Variants in ANPEP observed in about 807,000 individuals in gnomAD.
The protein encoded by ANPEP is aminopeptidase N.
Under a neutral mutation model 114.6 loss-of-function variants are expected in ANPEP, and 70 were observed. The observed-to-expected ratio is 0.61, with a 90% CI of 0.50 to 0.75. ANPEP has a LOEUF of 0.75. Among genes scored for constraint, ANPEP ranks in the 30% least tolerant of loss-of-function variants. The probability of loss-of-function intolerance (pLI) is 0.00; values close to 1 mark genes in which losing one functional copy is unlikely to be tolerated. For synonymous variants in ANPEP, 548 were observed against 522.3 expected, an observed-to-expected ratio of 1.05 and a Z score of -0.67; for missense variants, 1,184 against 1,259.5, an observed-to-expected ratio of 0.94 and a Z score of 0.91.
Position 89,806,350 on chromosome 15 carries a change from G to T in ANPEP, c.234C>A (p.Asn78Lys), listed in dbSNP as rs1343895884. 6.2e-7 allele frequency: 1 copy of T among 1,614,216 alleles called. No individual in the cohort carries two copies. The highest frequency in any genetic ancestry group is 8.5e-7 in the Non-Finnish European group (1 of 1,180,042). Residue 78 changes from asparagine to lysine, a missense_variant, in exon 2 of 21, where the codon AAC becomes AAA. Physicochemically the swap from Asn to Lys is moderately conservative, Grantham distance 94 (BLOSUM62 0). Transcript: ENST00000300060. The surrounding 1 kb of genome is among the most constrained non-coding windows in gnomAD (Gnocchi z 5.7). ...SKAWNRYRLP[N>K]TLKPDSYRVT... The stretch of plus-strand genomic sequence containing the variant: ...CCCGGTAGGAATCGGGTTTCAGCGT[G>T]TTGGGGAGGCGGTAACGATTCCACG...
In ANPEP at chr15:89,805,376, GT is replaced by G; in HGVS notation, c.701del (p.Asn234ThrfsTer10). ...FDEPAMKAEF[N>X]ITLIHPKDLT... ...GGTCCTTGGGGTGGATAAGCGTGAT[GT>G]TGAACTCGGCCTTCATGGCCGGCTC... On this transcript the variant is annotated frameshift_variant, in exon 3 of 21. Transcript: ENST00000300060. LOFTEE classifies it high-confidence loss of function. The G allele has an allele frequency of 1.2e-6, 2 of 1,614,178 alleles. No homozygotes were observed. The highest frequency in any genetic ancestry group is 1.7e-6 in the Non-Finnish European group (2 of 1,180,018).
intron 1 of ANPEP, among the ~76,000 whole-genome samples, chr15:89,811,231 C>T (rs1894810298): frequency 6.6e-6 from 1 of 152,226 alleles, no homozygotes; most frequent in Non-Finnish European, 1.5e-5. Flanking sequence ...CGTGATCCAC[C>T]TTTGTGATTA....
chr15:89,787,894 C>T (rs1346280503), intron 20 of ANPEP, among the ~76,000 whole-genome samples: 2 of 152,192 alleles, frequency 1.3e-5, no homozygotes, highest in African/African-American at 4.8e-5. Flanking sequence ...TCATGTCATT[C>T]ATTACTCATT....
At chr15:89,789,842 A>G (rs1968583331) in intron 20 of ANPEP, among the ~76,000 whole-genome samples, 1 of 151,106 alleles carries the variant, frequency 6.6e-6, no homozygotes, top group African/African-American at 2.4e-5. Context: ...AGGCCGAGGC[A>G]GGCAGATCAT....
intron 18 of ANPEP, 46 bp downstream of exon 18, chr15:89,792,114 A>C (rs1436513751): frequency 6.3e-7 from 1 of 1,582,888 alleles, no homozygotes; most frequent in Non-Finnish European, 8.6e-7. Context: ...CTGGTTCTCC[A>C]GGTGGGGAGA....
At chr15:89,800,038 A>T (rs1164525583) in intron 12 of ANPEP, among the ~76,000 whole-genome samples, 1 of 151,786 alleles carries the variant, frequency 6.6e-6, no homozygotes, top group Non-Finnish European at 1.5e-5. Context: ...ACTTTGTTTC[A>T]GCAGCCAGAG....
chr15:89,806,462 G>A lies in ANPEP; in HGVS notation c.122C>T (p.Ala41Val), dbSNP rs199937838. 21 of 1,614,036 alleles carry A rather than the reference G, an allele frequency of 1.3e-5. No homozygotes were observed. The South Asian group carries it at 2.2e-4, about 17-fold the overall frequency. The change falls in exon 2 of 21, where the codon GCC becomes GTC. Residue 41 changes from alanine to valine, a missense_variant. Coordinates refer to ENST00000300060, the MANE Select transcript of ANPEP (RefSeq NM_001150.3). This position sits in a 1 kb window ranked among gnomAD's most constrained non-coding sequence, Gnocchi z 5.7. The stretch of plus-strand genomic sequence containing the variant: ...GGTGGAGGCCACGGGGGAGCTGTTG[G>A]CGTTCTTGTTCTTCTCCTGGGAGTA... ...VVYSQEKNKN[A>V]NSSPVASTTP... is the part of the protein sequence containing the mutation.
Position 89,803,966 on chromosome 15 carries a change from C to T in ANPEP, c.1216G>A (p.Asp406Asn). Residue 406 changes from aspartate (D) to asparagine (N), a missense_variant, in exon 7 of 21, where the codon GAC becomes AAC. Physicochemically the swap from Asp to Asn is conservative, Grantham distance 23 (BLOSUM62 1). Coordinates refer to ENST00000300060, the MANE Select transcript of ANPEP (RefSeq NM_001150.3). This position sits in a 1 kb window ranked among gnomAD's most constrained non-coding sequence, Gnocchi z 4.2. ...GNLVTIEWWN[D>N]LWLNEGFASY... is the part of the protein sequence containing the mutation. ...GCGAAGCCCTCGTTCAGCCACAGGT[C>T]ATTCCACCACTCTATGGTCACCAGG... 1.2e-6 allele frequency: 2 copies of T among 1,614,154 alleles called. No homozygotes were observed. The highest frequency in any genetic ancestry group is 1.7e-6 in the Non-Finnish European group (2 of 1,180,010).
chr15:89,805,017 C>T (rs1013402247), intron 4 of ANPEP, 61 bp downstream of exon 4: 13 of 1,607,142 alleles, frequency 8.1e-6, no homozygotes, highest in East Asian at 4.5e-5. Flanking sequence ...ATGAAGAGAA[C>T]GGGAAGACCC....
intron 15 of ANPEP, chr15:89,797,372 T>A (rs1968748397): frequency 3.0e-6 from 2 of 671,670 alleles, no homozygotes. Context: ...CTCACCTCCA[T>A]GTCCCTCCGG....
intron 14 of ANPEP, among the ~76,000 whole-genome samples, chr15:89,798,655 G>T (rs955823966): frequency 6.6e-6 from 1 of 151,314 alleles, no homozygotes; most frequent in African/African-American, 2.4e-5. Context: ...AAAGCGGGGG[G>T]GCATGGCCAG....
intron 20 of ANPEP, among the ~76,000 whole-genome samples, chr15:89,789,931 C>T (rs1298531282): frequency 6.6e-6 from 1 of 150,696 alleles, no homozygotes; most frequent in Non-Finnish European, 1.5e-5. Flanking sequence ...CGGTGGCGGG[C>T]ACTTGTAGTC....
At chr15:89,786,386 C>CTTT (rs57614547) in intron 20 of ANPEP, among the ~76,000 whole-genome samples, 11,378 of 130,396 alleles carry the variant, frequency 0.087, 974 homozygotes, top group African/African-American at 0.19. Context: ...ATTTTAACTA[C>CTTT]TTTTTTTTTT....
intron 1 of ANPEP, among the ~76,000 whole-genome samples, chr15:89,808,595 G>A (rs956915095): frequency 4.6e-5 from 7 of 152,308 alleles, no homozygotes; most frequent in Admixed American, 4.6e-4. Context: ...CTGTCTCCCA[G>A]CTTGTCCCCA....
intron 16 of ANPEP, 128 bp from the exon 17 acceptor site, chr15:89,792,690 T>A (rs948480195): frequency 5.1e-6 from 4 of 785,156 alleles, no homozygotes; most frequent in East Asian, 2.7e-5. Flanking sequence ...TGACCCCCGC[T>A]GTATGTGCTT....
At chr15:89,792,595 T>C in intron 16 of ANPEP, 33 bp from the exon 17 acceptor site, 1 of 1,586,414 alleles carries the variant, frequency 6.3e-7, no homozygotes, top group Non-Finnish European at 8.7e-7. Context: ...TTAGCACACC[T>C]GGCGAACTCC....
intron 1 of ANPEP, among the ~76,000 whole-genome samples, chr15:89,808,521 G>T (rs1017550482): frequency 5.3e-5 from 8 of 152,234 alleles, no homozygotes; most frequent in African/African-American, 1.9e-4. Flanking sequence ...CATGCACGAA[G>T]GATTGAGTAA....
chr15:89,812,861 C>T (rs1467303998), intron 1 of ANPEP, among the ~76,000 whole-genome samples: 1 of 152,176 alleles, frequency 6.6e-6, no homozygotes, highest in Non-Finnish European at 1.5e-5. Flanking sequence ...CTCACATCTA[C>T]TGTGGCCGTG....
chr15:89,797,338 A>T, intron 15 of ANPEP: 1 of 473,112 alleles, frequency 2.1e-6, no homozygotes, highest in Non-Finnish European at 3.6e-6. Context: ...CAGCCTCCTC[A>T]CTCACCTCCT....
Sources: allele counts gnomAD v4.1 joint callset (sites outside exome capture counted in the v4.1 genomes callset), GRCh38; gene constraint gnomAD v4.1.1; non-coding constraint Gnocchi (gnomAD v3.1); transcripts MANE v1.5; gene names NCBI Gene and HGNC (gene_info 2026-07-23, HGNC 2026-07-21).